PSG4: variants seen among roughly 807,000 people sequenced by gnomAD.
PSG4 encodes pregnancy specific beta-1-glycoprotein 4.
In PSG4, 61 loss-of-function variants were observed where a neutral mutation model predicts 44.3. The observed-to-expected ratio is 1.38, with a 90% CI of 1.12 to 1.70. PSG4 has a LOEUF of 1.70. PSG4 is among the 40% of genes most tolerant of loss of function. The pLI is 0.00. For missense variants in PSG4, 677 were observed against 511.7 expected (o/e 1.32, Z -3.12); for synonymous variants, 248 against 191.3 (o/e 1.30, Z -2.45).
Position 43,204,465 on chromosome 19 carries a change from C to G in PSG4, c.65-214G>C, listed in dbSNP as rs1205588525. On this transcript the variant is annotated intron_variant, in intron 1 of 5. Transcript: ENST00000405312. ...CAGCATGACCCCCATTCCTTCAACA[C>G]TTCTGACCTTGGCATTTTTCTTTTT... 5 of 703,698 alleles carry G rather than the reference C, an allele frequency of 7.1e-6. 1 individual carries two copies. The Admixed American group carries it at 1.0e-4, about 14-fold the overall frequency. 43.6% of individuals were successfully genotyped at this position (703,698 alleles called of 1,614,324 possible).
rs1171760947 is a variant in PSG4 at position 43,195,734 on chromosome 19, T to G, written c.710-461A>C. Among the ~76,000 whole-genome samples the G allele has an allele frequency of 4.0e-5, 6 of 151,044 alleles. No individual in the cohort carries two copies. The Admixed American group carries it at 4.0e-4, about 10-fold the overall frequency. On this transcript the variant is annotated intron_variant, in intron 3 of 5. Transcript: ENST00000405312. ...GATGAGTAATAATGGGACTTCCCATTGTCCTGAAACCCTGAAGATACTGAG... is the reference window on the plus strand; with the variant it reads ...GATGAGTAATAATGGGACTTCCCATGGTCCTGAAACCCTGAAGATACTGAG...
intron 2 of PSG4, among the ~76,000 whole-genome samples, chr19:43,201,114 G>A (rs1251415510): frequency 6.9e-6 from 1 of 145,608 alleles, no homozygotes; most frequent in African/African-American, 2.6e-5. Flanking sequence ...AAAGATTACA[G>A]CAGTGACAGC....
chr19:43,194,596 T>A lies in PSG4; in HGVS notation c.989-2A>T. The A allele has an allele frequency of 6.2e-7, 1 of 1,608,092 alleles. No homozygotes were observed. The highest frequency in any genetic ancestry group is 8.5e-7 in the Non-Finnish European group (1 of 1,176,530). On this transcript the variant is annotated splice_acceptor_variant, in intron 4 of 5. Coordinates refer to ENST00000405312, the MANE Select transcript of PSG4 (RefSeq NM_002780.5). LOFTEE classifies it high-confidence loss of function. ...AAATGCTGGGGAGGTCTGGACCATC[T>A]GGCGCAAAGAGAATAAAGCCATAGG...
At chr19:43,204,392 C>A in intron 1 of PSG4, 141 bp from the exon 2 acceptor site, 1 of 1,164,958 alleles carries the variant, frequency 8.6e-7, no homozygotes, top group Non-Finnish European at 1.2e-6. Context: ...ACTAAAGGGG[C>A]GTGAGTGTAT....
chr19:43,202,847 C>G (rs1209331588), intron 2 of PSG4, among the ~76,000 whole-genome samples: 2 of 144,554 alleles, frequency 1.4e-5, no homozygotes, highest in African/African-American at 2.7e-5. Context: ...CAATAAATGA[C>G]TATGGGGTGC....
At chr19:43,201,860 T>C (rs1381004276) in intron 2 of PSG4, among the ~76,000 whole-genome samples, 1 of 143,654 alleles carries the variant, frequency 7.0e-6, no homozygotes, top group Non-Finnish European at 1.5e-5. Flanking sequence ...CAGAAGAACT[T>C]GTCTGGCAAT....
chr19:43,204,948 C>T, intron 1 of PSG4: 1 of 285,352 alleles, frequency 3.5e-6, no homozygotes, highest in Non-Finnish European at 6.6e-6. Context: ...ATGGTGGCCC[C>T]TGATGATTAA....
intron 1 of PSG4, 72 bp downstream of exon 1, chr19:43,205,401 T>A: frequency 2.1e-6 from 3 of 1,439,322 alleles, no homozygotes; most frequent in Non-Finnish European, 2.8e-6. Context: ...CAGAACCCCA[T>A]CCTCTCCAGG....
Position 43,193,258 on chromosome 19 carries a change from C to G in PSG4, c.*114G>C, listed in dbSNP as rs1275292550. ...TCACATGTCAGGTACAAGGGTTTTC[C>G]CATGAAATTTACATCGAGTTGTCCA... On this transcript the variant is annotated 3_prime_UTR_variant, in exon 6 of 6. Transcript: ENST00000405312. The G allele has an allele frequency of 1.3e-6, 1 of 767,214 alleles. No homozygotes were observed. Among genetic ancestry groups the G allele is most frequent in the Non-Finnish European group, 2.4e-6 (1 of 417,482 alleles). The allele number at this position is 767,214 out of a possible 1,614,324, so 47.5% of individuals were successfully genotyped here. A position where few individuals can be genotyped will look rare whatever the true frequency, so the allele number is the denominator to read the frequency against.
chr19:43,202,805 G>A (rs1436128013), intron 2 of PSG4, among the ~76,000 whole-genome samples: 1 of 144,458 alleles, frequency 6.9e-6, no homozygotes, highest in Non-Finnish European at 1.5e-5. Context: ...ACTCCTCTGA[G>A]GTTTGGATGC....
At position 43,198,365 on chromosome 19, in the gene PSG4, C is replaced by G. The variant is rs531158313; in HGVS notation, c.431-90G>C. On this transcript the variant is annotated intron_variant, in intron 2 of 5. Coordinates refer to ENST00000405312, the MANE Select transcript of PSG4 (RefSeq NM_002780.5). ...CAATCAGAGTTGGCATTTCCCACCTCTCAGCCCACCCAAGTCCTTAAAAGC... is the reference window on the plus strand; with the variant it reads ...CAATCAGAGTTGGCATTTCCCACCTGTCAGCCCACCCAAGTCCTTAAAAGC... 167 of 1,503,154 alleles carry G rather than the reference C, an allele frequency of 1.1e-4. 11 individuals carry two copies. Among genetic ancestry groups the G allele is most frequent in the Admixed American group, 4.5e-4 (22 of 48,868 alleles). The allele number at this position is 1,503,154 out of a possible 1,614,324, so 93.1% of individuals were successfully genotyped here. A position where few individuals can be genotyped will look rare whatever the true frequency, so the allele number is the denominator to read the frequency against.
chr19:43,204,323 G>A, intron 1 of PSG4, 72 bp from the exon 2 acceptor site: 1 of 1,443,874 alleles, frequency 6.9e-7, no homozygotes, highest in Non-Finnish European at 9.3e-7. Context: ...TCCTGAGAAG[G>A]TCTCTTCAAT....
chr19:43,196,197 C>T (rs965875666), intron 3 of PSG4, among the ~76,000 whole-genome samples: 1 of 151,582 alleles, frequency 6.6e-6, no homozygotes, highest in Non-Finnish European at 1.5e-5. Flanking sequence ...AGAAGTTTTG[C>T]AAATATTTTC....
intron 1 of PSG4, 124 bp from the exon 2 acceptor site, chr19:43,204,375 T>A: frequency 7.9e-7 from 1 of 1,259,224 alleles, no homozygotes; most frequent in African/African-American, 1.7e-5. Context: ...TACAAACACA[T>A]ACACACACTA....
rs1263815526 is a variant in PSG4 at position 43,193,174 on chromosome 19, G to T, written c.*198C>A. The T allele has an allele frequency of 1.4e-6, 1 of 737,514 alleles. No homozygotes were observed. The highest frequency in any genetic ancestry group is 2.5e-6 in the Non-Finnish European group (1 of 403,042). 45.7% of individuals were successfully genotyped at this position (737,514 alleles called of 1,614,324 possible). A position where few individuals can be genotyped will look rare whatever the true frequency, so the allele number is the denominator to read the frequency against. Reference sequence around the variant, plus strand: ...GTGAAGTCATCAACTTGTTATCCTGGTTTACAGTTTGAGTAGCTGTTGTTA... The same window carrying T: ...GTGAAGTCATCAACTTGTTATCCTGTTTTACAGTTTGAGTAGCTGTTGTTA... On this transcript the variant is annotated 3_prime_UTR_variant, in exon 6 of 6. Coordinates refer to ENST00000405312, the MANE Select transcript of PSG4 (RefSeq NM_002780.5).
Position 43,200,176 on chromosome 19 carries a change from G to A in PSG4, c.431-1901C>T, listed in dbSNP as rs1002991030. ...TTTGTGTGAAATAGGAAGAGTCTAA[G>A]TGAGATGCCAATGGCTCGTGTGTCT... On this transcript the variant is annotated intron_variant, in intron 2 of 5. Transcript: ENST00000405312. Among the ~76,000 whole-genome samples, 4 of 145,206 alleles carry A rather than the reference G, an allele frequency of 2.8e-5. 1 individual carries two copies. Among genetic ancestry groups the A allele is most frequent in the African/African-American group, 1.1e-4 (4 of 37,780 alleles).
intron 2 of PSG4, among the ~76,000 whole-genome samples, chr19:43,200,537 C>T (rs1967459872): frequency 7.0e-6 from 1 of 143,804 alleles, no homozygotes; most frequent in South Asian, 2.2e-4. Context: ...CAGCTGTGTG[C>T]AGTCTACCAG....
rs147584129 is a variant in PSG4 at position 43,195,052 on chromosome 19, C to A, written c.931G>T (p.Glu311Ter). ...TRNETGPYQC[E>*]IRDRYGGIRS... ...ATGCCACCATATCGGTCCCGTATTTCACATTGATAAGGTCCTGTTTCATTT... is the reference window on the plus strand; with the variant it reads ...ATGCCACCATATCGGTCCCGTATTTAACATTGATAAGGTCCTGTTTCATTT... The change falls in exon 4 of 6, where the codon GAA (glutamate) becomes TAA (stop). Residue 311 changes from glutamate (E) to a stop codon, truncating the protein, a stop_gained. Transcript: ENST00000405312. LOFTEE classifies it high-confidence loss of function. 5,889 of 1,611,914 alleles carry A rather than the reference C, an allele frequency of 3.7e-3. 188 individuals carry two copies. Among genetic ancestry groups the A allele is most frequent in the South Asian group, 0.025 (2,232 of 91,012 alleles).
Position 43,201,687 on chromosome 19 carries a change from T to G in PSG4, c.430+2199A>C, listed in dbSNP as rs1313825032. On this transcript the variant is annotated intron_variant, in intron 2 of 5. Transcript: ENST00000405312. The stretch of plus-strand genomic sequence containing the variant: ...ATTTTTAGTCCTGTGACCCTGAAAC[T>G]GTCCTTGAAAATCTCTAACCCCTGC... Among the ~76,000 whole-genome samples the G allele has an allele frequency of 2.0e-4, 29 of 145,430 alleles. 3 individuals are homozygous for G. The highest frequency in any genetic ancestry group is 4.3e-4 in the South Asian group (2 of 4,628).
Sources: gnomAD v4.1 joint callset for allele counts (sites outside exome capture counted in the v4.1 genomes callset) on GRCh38, gnomAD v4.1.1 for gene constraint, MANE v1.5 for transcripts, NCBI Gene and HGNC (gene_info 2026-07-23, HGNC 2026-07-21) for gene names.